ADAMTS17: variants seen among roughly 807,000 people sequenced by gnomAD.
ADAMTS17 encodes the protein ADAM metallopeptidase with thrombospondin type 1 motif 17.
Under a neutral mutation model 141.5 loss-of-function variants are expected in ADAMTS17, and 113 were observed. The observed-to-expected ratio is 0.80, with a 90% CI of 0.69 to 0.93. The LOEUF (loss-of-function observed/expected upper bound fraction) is 0.93, where lower values mean the gene tolerates loss of function less well. ADAMTS17 is among the 40% of genes least tolerant of loss of function. The probability of loss-of-function intolerance (pLI) is 0.00; values close to 1 mark genes in which losing one functional copy is unlikely to be tolerated. For missense variants in ADAMTS17, 1,659 were observed against 1,517.9 expected (o/e 1.09, Z -1.54); for synonymous variants, 768 against 630.6 (o/e 1.22, Z -3.27).
At chr15:100,050,184 G>C (rs576339777) in intron 17 of ADAMTS17, among the ~76,000 whole-genome samples, 1 of 152,300 alleles carries the variant, frequency 6.6e-6, no homozygotes, top group South Asian at 2.1e-4. Flanking sequence ...TGGCAGGTCT[G>C]ACCACTGTGT....
In ADAMTS17 at chr15:100,341,100, C is replaced by T; in HGVS notation, c.389G>A (p.Arg130His). 2.6e-6 allele frequency: 4 copies of T among 1,514,056 alleles called. No individual in the cohort carries two copies. The highest frequency in any genetic ancestry group is 2.6e-5 in the East Asian group (1 of 38,970). The allele number at this position is 1,514,056 out of a possible 1,614,324, so 93.8% of individuals were successfully genotyped here. The change falls in exon 2 of 22, where the codon CGT becomes CAT. Residue 130 changes from arginine to histidine, a missense_variant. Transcript: ENST00000268070. ...RPAELCFYSG[R>H]VLGHPGSLVS... ...GAGGGAGCCGGGGTGGCCGAGCACA[C>T]GGCCCGAGTAGAAGCACAGCTCGGC...
chr15:100,026,590 C>T (rs141635351), intron 18 of ADAMTS17, among the ~76,000 whole-genome samples: 21 of 152,354 alleles, frequency 1.4e-4, no homozygotes, highest in Admixed American at 1.1e-3. Flanking sequence ...TATGCTATCA[C>T]ACTTCAGTTG....
chr15:99,981,086 C>A (rs1286613906), intron 20 of ADAMTS17, among the ~76,000 whole-genome samples: 1 of 152,182 alleles, frequency 6.6e-6, no homozygotes, highest in African/African-American at 2.4e-5. Context: ...GCGAGTGGTC[C>A]AGGGACCCCA....
At chr15:100,088,135 G>T (rs547304060) in intron 15 of ADAMTS17, among the ~76,000 whole-genome samples, 3 of 152,154 alleles carry the variant, frequency 2.0e-5, no homozygotes, top group African/African-American at 4.8e-5. Flanking sequence ...GGCAACTTCC[G>T]CAAAGTCTCA....
At chr15:100,095,410 A>G (rs550857078) in intron 15 of ADAMTS17, among the ~76,000 whole-genome samples, 1 of 152,206 alleles carries the variant, frequency 6.6e-6, no homozygotes, top group African/African-American at 2.4e-5. Context: ...CACACAGAGA[A>G]AAGTGGAGAG....
chr15:100,139,933 A>G (rs539992424), intron 10 of ADAMTS17, among the ~76,000 whole-genome samples: 1 of 152,298 alleles, frequency 6.6e-6, no homozygotes, highest in Non-Finnish European at 1.5e-5. Flanking sequence ...ATAGTATTGT[A>G]CCAAGCTTAA....
intron 15 of ADAMTS17, among the ~76,000 whole-genome samples, chr15:100,092,846 G>A (rs1424216123): frequency 2.0e-5 from 3 of 152,346 alleles, no homozygotes; most frequent in Non-Finnish European, 2.9e-5. Context: ...CTTCAGTCCA[G>A]GTGTGTCCTG....
chr15:100,340,226 C>G (rs1165338026), intron 2 of ADAMTS17, among the ~76,000 whole-genome samples: 1 of 152,220 alleles, frequency 6.6e-6, no homozygotes, highest in Non-Finnish European at 1.5e-5. Flanking sequence ...GCCACATGAT[C>G]AAGTGTGCGC....
At chr15:100,226,242 CCCAG>C (rs1235837883) in intron 7 of ADAMTS17, among the ~76,000 whole-genome samples, 1 of 152,238 alleles carries the variant, frequency 6.6e-6, no homozygotes, top group African/African-American at 2.4e-5. Context: ...GTGATGTCAG[CCCAG>C]CCAGAGAGGT....
intron 8 of ADAMTS17, among the ~76,000 whole-genome samples, chr15:100,175,124 T>G (rs2141490585): frequency 6.6e-6 from 1 of 152,318 alleles, no homozygotes; most frequent in Non-Finnish European, 1.5e-5. Flanking sequence ...ATCTCACATT[T>G]GGAGTGAAAC....
At chr15:100,090,283 T>C (rs148387015) in intron 15 of ADAMTS17, among the ~76,000 whole-genome samples, 6 of 152,300 alleles carry the variant, frequency 3.9e-5, no homozygotes, top group African/African-American at 1.4e-4. Context: ...GAATCTCCAC[T>C]CAAACTACCA....
rs548834887 is a variant in ADAMTS17, at chr15:100,205,868, T to C, written c.1076-6445A>G. On this transcript the variant is annotated intron_variant, in intron 7 of 21. Coordinates refer to ENST00000268070, the MANE Select transcript of ADAMTS17 (RefSeq NM_139057.4). ...AAGCCAAGCCTCAGGGCCTGAAGGGTGGGCGCCGCGGTCTCTGAAAGACAG... is the reference window on the plus strand; with the variant it reads ...AAGCCAAGCCTCAGGGCCTGAAGGGCGGGCGCCGCGGTCTCTGAAAGACAG... 6.6e-5 allele frequency among the ~76,000 whole-genome samples: 10 copies of C among 152,060 alleles called. No homozygotes were observed. The East Asian group carries it at 1.9e-3, about 30-fold the overall frequency.
At chr15:100,125,913 G>C (rs1457733614) in intron 12 of ADAMTS17, among the ~76,000 whole-genome samples, 1 of 152,106 alleles carries the variant, frequency 6.6e-6, no homozygotes, top group Admixed American at 6.5e-5. Flanking sequence ...AGGGAGCAGA[G>C]CCAGGAATAT....
intron 7 of ADAMTS17, among the ~76,000 whole-genome samples, chr15:100,223,680 CAT>C (rs953858805): frequency 1.3e-4 from 20 of 149,408 alleles, no homozygotes; most frequent in African/African-American, 2.0e-4. Context: ...GACACACACA[CAT>C]ATATGTGTAT....
chr15:100,323,324 C>A (rs545240245), intron 3 of ADAMTS17, among the ~76,000 whole-genome samples: 1 of 152,280 alleles, frequency 6.6e-6, no homozygotes, highest in South Asian at 2.1e-4. Flanking sequence ...CAAGGTCACT[C>A]AAGCTAGTGG....
intron 18 of ADAMTS17, among the ~76,000 whole-genome samples, chr15:100,036,684 T>C (rs891713784): frequency 3.9e-5 from 6 of 152,238 alleles, no homozygotes; most frequent in Non-Finnish European, 7.3e-5. Context: ...TAGGATCTTT[T>C]TATTACAACA....
chr15:100,205,987 A>G (rs2041538397), intron 7 of ADAMTS17, among the ~76,000 whole-genome samples: 1 of 152,132 alleles, frequency 6.6e-6, no homozygotes, highest in African/African-American at 2.4e-5. Context: ...GCACCCACTG[A>G]TCCCTGCTCC....
intron 3 of ADAMTS17, among the ~76,000 whole-genome samples, chr15:100,322,868 A>G (rs2045772973): frequency 6.6e-6 from 1 of 151,990 alleles, no homozygotes; most frequent in Non-Finnish European, 1.5e-5. Flanking sequence ...CAGACAGATC[A>G]CGAGGTCAGG....
rs116413647 is a variant in ADAMTS17 at position 100,206,118 on chromosome 15, G to T, written c.1076-6695C>A. Among the ~76,000 whole-genome samples, 476 of 152,360 alleles carry T rather than the reference G, an allele frequency of 3.1e-3. 2 individuals carry two copies. The highest frequency in any genetic ancestry group is 0.011 in the African/African-American group (456 of 41,584). The stretch of plus-strand genomic sequence containing the variant: ...CTCCCTGTGTGGGGAGCAACGGCGG[G>T]CGGCACCGTGAATGCAGCAGGTGAT... On this transcript the variant is annotated intron_variant, in intron 7 of 21. Transcript: ENST00000268070.
Sources: allele counts gnomAD v4.1 joint callset (sites outside exome capture counted in the v4.1 genomes callset), GRCh38; gene constraint gnomAD v4.1.1; transcripts MANE v1.5; gene names NCBI Gene and HGNC (gene_info 2026-07-23, HGNC 2026-07-21).